Variants in CCAR1 observed in about 807,000 individuals in gnomAD.
CCAR1 encodes the protein cell division cycle and apoptosis regulator 1.
CCAR1 carries 78 observed loss-of-function variants against 163.8 expected under a neutral mutation model. The ratio of observed to expected loss-of-function variants is 0.48; its 90% CI spans 0.40 to 0.57. The LOEUF (loss-of-function observed/expected upper bound fraction) is 0.57. CCAR1 is among the 20% of genes least tolerant of loss of function. The pLI, the probability that CCAR1 is intolerant of heterozygous loss-of-function variation, is 0.00. For synonymous variants in CCAR1, 443 were observed against 460.7 expected (o/e 0.96, Z 0.49); for missense variants, 1,019 against 1,365.2 (o/e 0.75, Z 4.00).
chr10:68,786,511 T>A, intron 20 of CCAR1, 35 bp from the exon 21 acceptor site: 4 of 1,494,436 alleles, frequency 2.7e-6, no homozygotes, highest in Non-Finnish European at 3.6e-6. Context: ...ATTTGAAATT[T>A]GAATACTATG....
chr10:68,775,052 G>A (rs1032488682), intron 19 of CCAR1: 6 of 311,752 alleles, frequency 1.9e-5, no homozygotes, highest in African/African-American at 1.2e-4. Flanking sequence ...TAATGAAAAA[G>A]TTGAAAAGAT....
chr10:68,785,223 C>CT lies in CCAR1; in HGVS notation c.2651-898dup, dbSNP rs762164164. 7.0e-3 allele frequency among the ~76,000 whole-genome samples: 955 copies of CT among 136,976 alleles called. 2 individuals are homozygous for CT. Among genetic ancestry groups the CT allele is most frequent in the African/African-American group, 0.011 (425 of 37,398 alleles). 89.9% of individuals were successfully genotyped at this position (136,976 alleles called of 152,430 possible). A position where few individuals can be genotyped will look rare whatever the true frequency, so the allele number is the denominator to read the frequency against. On this transcript the variant is annotated intron_variant, in intron 19 of 24. Transcript: ENST00000265872. ...TGAGGCACCGCACCCGGCCCTATAA[C>CT]TTTTTTTTTTTTTTTGAGACAGGGT...
chr10:68,732,283 C>T (rs551550305), intron 2 of CCAR1, among the ~76,000 whole-genome samples: 44 of 152,254 alleles, frequency 2.9e-4, no homozygotes, highest in African/African-American at 1.0e-3. Context: ...AATACTTTTT[C>T]ATAGCGTCTT....
intron 21 of CCAR1, among the ~76,000 whole-genome samples, chr10:68,787,260 CTT>C (rs766822113): frequency 1.4e-5 from 2 of 145,374 alleles, no homozygotes; most frequent in African/African-American, 2.5e-5. Flanking sequence ...TTTTGACTGG[CTT>C]TTTTTTTTTC....
Position 68,756,559 on chromosome 10 carries a change from A to T in CCAR1, c.1836+76A>T, listed in dbSNP as rs1037204266. The T allele has an allele frequency of 2.7e-6, 3 of 1,121,642 alleles. No homozygotes were observed. The highest frequency in any genetic ancestry group is 1.5e-5 in the African/African-American group (1 of 64,810). 69.5% of individuals were successfully genotyped at this position (1,121,642 alleles called of 1,614,324 possible). On this transcript the variant is annotated intron_variant, in intron 14 of 24. Coordinates refer to ENST00000265872, the MANE Select transcript of CCAR1 (RefSeq NM_018237.4). This position sits in a 1 kb window ranked among gnomAD's most constrained non-coding sequence, Gnocchi z 5.1. ...ACACAGGCACAAATGCACACCACACACTACATAATAAACACACATGGAGGA... is the reference window on the plus strand; with the variant it reads ...ACACAGGCACAAATGCACACCACACTCTACATAATAAACACACATGGAGGA...
At chr10:68,743,422 C>G (rs1222617515) in intron 6 of CCAR1, among the ~76,000 whole-genome samples, 1 of 151,866 alleles carries the variant, frequency 6.6e-6, no homozygotes, top group African/African-American at 2.4e-5. Context: ...CCTCGGCCTC[C>G]CAGGAAGTGC....
intron 2 of CCAR1, among the ~76,000 whole-genome samples, chr10:68,731,206 G>A (rs1415967878): frequency 1.3e-5 from 2 of 152,212 alleles, no homozygotes; most frequent in African/African-American, 4.8e-5. Context: ...TTATGTGTGT[G>A]AGGGAGATTA....
chr10:68,728,578 C>T (rs918387636), intron 2 of CCAR1, among the ~76,000 whole-genome samples: 7 of 152,098 alleles, frequency 4.6e-5, no homozygotes, highest in African/African-American at 1.4e-4. Context: ...TGTCTGAGAG[C>T]GGAAGAGCTG....
chr10:68,759,815 T>C lies in CCAR1; in HGVS notation c.1921-1192T>C, dbSNP rs7912724. Among the ~76,000 whole-genome samples the C allele has an allele frequency of 2.8e-3, 421 of 152,262 alleles. 3 individuals carry two copies. Among genetic ancestry groups the C allele is most frequent in the African/African-American group, 9.5e-3 (393 of 41,554 alleles). ...ATCCATGTAATTATTTTTAAATATTTTATACTATTCAATTAAATTGATATA... is the reference window on the plus strand; with the variant it reads ...ATCCATGTAATTATTTTTAAATATTCTATACTATTCAATTAAATTGATATA... On this transcript the variant is annotated intron_variant, in intron 15 of 24. Coordinates refer to ENST00000265872, the MANE Select transcript of CCAR1 (RefSeq NM_018237.4).
chr10:68,747,332 C>T, intron 7 of CCAR1, 42 bp from the exon 8 acceptor site: 1 of 1,595,556 alleles, frequency 6.3e-7, no homozygotes. Flanking sequence ...TCTTCTAATT[C>T]ACAAAGATTT....
Position 68,733,207 on chromosome 10 carries a change from C to T in CCAR1, c.74-3669C>T, listed in dbSNP as rs577949753. Among the ~76,000 whole-genome samples the T allele has an allele frequency of 2.0e-4, 30 of 151,438 alleles. No homozygotes were observed. In the South Asian group the frequency reaches 5.4e-3, roughly 27 times the overall value. On this transcript the variant is annotated intron_variant, in intron 2 of 24. Coordinates refer to ENST00000265872, the MANE Select transcript of CCAR1 (RefSeq NM_018237.4). Reference sequence around the variant, plus strand: ...GATGGATTGCTTGAGCCCAGGAATTCGACACCAGCCTGGGCAACATAGTGG... The same window carrying T: ...GATGGATTGCTTGAGCCCAGGAATTTGACACCAGCCTGGGCAACATAGTGG...
Position 68,786,232 on chromosome 10 carries a change from ACTGTATT to A in CCAR1, c.2733+17_2733+23del, listed in dbSNP as rs1479360467. On this transcript the variant is annotated intron_variant, in intron 20 of 24. Coordinates refer to ENST00000265872, the MANE Select transcript of CCAR1 (RefSeq NM_018237.4). ...TCTAAAGATAAGGTGTTTATTGAATACTGTATTCTTTATAATATGGTGATATCTTACA... is the reference window on the plus strand; with the variant it reads ...TCTAAAGATAAGGTGTTTATTGAATACTTTATAATATGGTGATATCTTACA... 84 of 1,516,776 alleles carry A rather than the reference ACTGTATT, an allele frequency of 5.5e-5. No individual in the cohort carries two copies. The highest frequency in any genetic ancestry group is 7.5e-5 in the Non-Finnish European group (82 of 1,096,328). 94.0% of individuals were successfully genotyped at this position (1,516,776 alleles called of 1,614,324 possible).
chr10:68,729,702 T>A (rs1737232036), intron 2 of CCAR1, among the ~76,000 whole-genome samples: 1 of 144,694 alleles, frequency 6.9e-6, no homozygotes. Context: ...AACTCCGTCT[T>A]AAAAAAAAAA....
chr10:68,722,313 C>T (rs2133287444), intron 1 of CCAR1, 142 bp from the exon 2 acceptor site: 1 of 558,398 alleles, frequency 1.8e-6, no homozygotes. Context: ...TTCATTTGCC[C>T]TTTTTCTACT....
chr10:68,756,574 C>T lies in CCAR1; in HGVS notation c.1836+91C>T. 1.0e-6 allele frequency: 1 copy of T among 992,508 alleles called. No homozygotes were observed. Among genetic ancestry groups the T allele is most frequent in the Middle Eastern group, 2.0e-4 (1 of 4,920 alleles). The allele number at this position is 992,508 out of a possible 1,614,324, so 61.5% of individuals were successfully genotyped here. A position where few individuals can be genotyped will look rare whatever the true frequency, so the allele number is the denominator to read the frequency against. ...CACACCACACACTACATAATAAACA[C>T]ACATGGAGGAACATAACTGGTAACA... On this transcript the variant is annotated intron_variant, in intron 14 of 24. Transcript: ENST00000265872. This position sits in a 1 kb window ranked among gnomAD's most constrained non-coding sequence, Gnocchi z 5.1.
intron 2 of CCAR1, among the ~76,000 whole-genome samples, chr10:68,726,034 A>G (rs2133297026): frequency 6.6e-6 from 1 of 151,182 alleles, no homozygotes; most frequent in South Asian, 2.1e-4. Flanking sequence ...GATCGCTTAA[A>G]CCTTGGGAGG....
chr10:68,785,168 C>T (rs1283118664), intron 19 of CCAR1, among the ~76,000 whole-genome samples: 5 of 151,702 alleles, frequency 3.3e-5, no homozygotes, highest in South Asian at 2.1e-4. Context: ...CCGCCCACCT[C>T]GGCCTCCCAA....
chr10:68,730,764 C>T (rs1589153871), intron 2 of CCAR1, among the ~76,000 whole-genome samples: 3 of 152,138 alleles, frequency 2.0e-5, no homozygotes, highest in African/African-American at 2.4e-5. Context: ...CAGTCACGCT[C>T]GCTGTAGCCT....
chr10:68,772,071 G>A (rs1303408449), intron 18 of CCAR1, among the ~76,000 whole-genome samples: 1 of 151,662 alleles, frequency 6.6e-6, no homozygotes, highest in Non-Finnish European at 1.5e-5. Flanking sequence ...TTTTTTTGAG[G>A]CAGGTTTTCA....
Sources: gnomAD v4.1 joint callset for allele counts (sites outside exome capture counted in the v4.1 genomes callset) on GRCh38, gnomAD v4.1.1 for gene constraint, Gnocchi (gnomAD v3.1) non-coding constraint, MANE v1.5 for transcripts, NCBI Gene and HGNC (gene_info 2026-07-23, HGNC 2026-07-21) for gene names.